The following GABBR2 variants were observed in gnomAD, a reference collection of about 807,000 sequenced individuals.
The protein encoded by GABBR2 is gamma-aminobutyric acid type B receptor subunit 2.
GABBR2 carries 23 observed loss-of-function variants against 105.6 expected under a neutral mutation model. The observed-to-expected ratio is 0.22, with a 90% CI of 0.16 to 0.31. The LOEUF (loss-of-function observed/expected upper bound fraction) is 0.31. Ranked by LOEUF, GABBR2 falls within the 10% of genes least tolerant of loss-of-function variation. GABBR2 has a pLI of 1.00. For synonymous variants in GABBR2, 478 were observed against 499.7 expected, an observed-to-expected ratio of 0.96 and a Z score of 0.58; for missense variants, 734 against 1,245.5, an observed-to-expected ratio of 0.59 and a Z score of 6.18.
At position 98,404,318 on chromosome 9, in the gene GABBR2, G is replaced by A. The variant is rs565121820; in HGVS notation, c.1297+1763C>T. Among the ~76,000 whole-genome samples, 48 of 152,162 alleles carry A rather than the reference G, an allele frequency of 3.2e-4. No homozygotes were observed. In the South Asian group the frequency reaches 8.5e-3, roughly 27 times the overall value. On this transcript the variant is annotated intron_variant, in intron 8 of 18. Transcript: ENST00000259455. The stretch of plus-strand genomic sequence containing the variant: ...GCCTAAAATTACATCTTTTGTGCAC[G>A]CCAGAGAGCTGACACGCGTTTCAAT...
chr9:98,335,439 G>C (rs1034227456), intron 13 of GABBR2, among the ~76,000 whole-genome samples: 11 of 152,088 alleles, frequency 7.2e-5, no homozygotes, highest in African/African-American at 2.7e-4. Flanking sequence ...ACAGTCTTGG[G>C]CCCTTCCTAG....
chr9:98,365,156 G>A (rs77854194), intron 12 of GABBR2, among the ~76,000 whole-genome samples: 3,098 of 152,310 alleles, frequency 0.02, 47 homozygotes, highest in African/African-American at 0.031. Context: ...CTTGTCAAGC[G>A]TGATCTTGAG....
chr9:98,614,525 C>CA (rs900208366), intron 1 of GABBR2, among the ~76,000 whole-genome samples: 1 of 151,000 alleles, frequency 6.6e-6, no homozygotes, highest in Non-Finnish European at 1.5e-5. Context: ...AACGGTGTCT[C>CA]AAAAAAATAA....
chr9:98,491,144 G>A (rs978050575), intron 4 of GABBR2, among the ~76,000 whole-genome samples: 1 of 152,054 alleles, frequency 6.6e-6, no homozygotes, highest in Non-Finnish European at 1.5e-5. Flanking sequence ...AGCAATAATA[G>A]TCCGTGAGCA....
At chr9:98,686,487 C>T (rs1478723019) in intron 1 of GABBR2, among the ~76,000 whole-genome samples, 8 of 152,104 alleles carry the variant, frequency 5.3e-5, no homozygotes, top group Non-Finnish European at 1.0e-4. Flanking sequence ...ACCTTCGCCT[C>T]CCAGTTCAAG....
chr9:98,458,979 C>T (rs995634161), intron 6 of GABBR2, among the ~76,000 whole-genome samples: 2 of 152,180 alleles, frequency 1.3e-5, no homozygotes, highest in Non-Finnish European at 2.9e-5. Flanking sequence ...GCAGAACTTT[C>T]CACTTAGGGA....
At chr9:98,534,209 C>T (rs1040536594) in intron 3 of GABBR2, among the ~76,000 whole-genome samples, 40 of 152,288 alleles carry the variant, frequency 2.6e-4, no homozygotes, top group Non-Finnish European at 1.5e-4. Flanking sequence ...CTTTTGGTCT[C>T]GGGCAGATTA....
intron 3 of GABBR2, among the ~76,000 whole-genome samples, chr9:98,524,671 T>C (rs1229688708): frequency 6.6e-6 from 1 of 152,172 alleles, no homozygotes; most frequent in East Asian, 1.9e-4. Context: ...CACACACTCA[T>C]TCATTCCATC....
chr9:98,418,849 C>G (rs1300167262), intron 7 of GABBR2, among the ~76,000 whole-genome samples: 1 of 152,240 alleles, frequency 6.6e-6, no homozygotes, highest in Non-Finnish European at 1.5e-5. Flanking sequence ...CCATGCATCA[C>G]CAAGCCTCTG....
chr9:98,367,036 T>C (rs887258101), intron 12 of GABBR2, among the ~76,000 whole-genome samples: 15 of 152,116 alleles, frequency 9.9e-5, no homozygotes, highest in Admixed American at 5.2e-4. Flanking sequence ...AGTAACATGC[T>C]GTAAAAATAT....
At chr9:98,493,469 A>C (rs2184024) in intron 4 of GABBR2, among the ~76,000 whole-genome samples, 7,212 of 152,138 alleles carry the variant, frequency 0.047, 282 homozygotes, top group South Asian at 0.14. Context: ...CAGTATCCAC[A>C]ACTGTTATCC....
At chr9:98,682,601 C>G (rs969295914) in intron 1 of GABBR2, among the ~76,000 whole-genome samples, 1 of 151,862 alleles carries the variant, frequency 6.6e-6, no homozygotes, top group Non-Finnish European at 1.5e-5. Flanking sequence ...GTCTTGAACT[C>G]CTGACCTCAG....
chr9:98,696,002 C>T (rs920625882), intron 1 of GABBR2, among the ~76,000 whole-genome samples: 1 of 152,308 alleles, frequency 6.6e-6, no homozygotes, highest in Admixed American at 6.5e-5. Flanking sequence ...CCAAAACAAA[C>T]CAGTTCTTGC....
chr9:98,626,644 T>C (rs1829741210), intron 1 of GABBR2, among the ~76,000 whole-genome samples: 1 of 152,198 alleles, frequency 6.6e-6, no homozygotes, highest in African/African-American at 2.4e-5. Context: ...AGTTAGATTA[T>C]GTAAATAGCC....
chr9:98,377,662 G>A (rs1186322773), intron 11 of GABBR2, among the ~76,000 whole-genome samples: 3 of 152,210 alleles, frequency 2.0e-5, no homozygotes, highest in South Asian at 2.1e-4. Flanking sequence ...CAGAGCCAGG[G>A]GTTGGAGTGG....
chr9:98,317,927 C>T (rs1830746909), intron 13 of GABBR2, among the ~76,000 whole-genome samples: 1 of 151,294 alleles, frequency 6.6e-6, no homozygotes, highest in Non-Finnish European at 1.5e-5. Flanking sequence ...GAAGTTGTTT[C>T]AGATCAGGTA....
intron 8 of GABBR2, among the ~76,000 whole-genome samples, chr9:98,398,326 A>C (rs61080872): frequency 0.091 from 13,744 of 150,600 alleles, 2,146 homozygotes; most frequent in African/African-American, 0.32. Flanking sequence ...TCTAGGACCC[A>C]CCCCCCAAAC....
intron 1 of GABBR2, among the ~76,000 whole-genome samples, chr9:98,705,866 C>G (rs1236825120): frequency 6.6e-6 from 1 of 151,906 alleles, no homozygotes; most frequent in Admixed American, 6.6e-5. Context: ...CACCTGAGGT[C>G]GGGAGTTCAA....
rs1272696856 is a variant in GABBR2 at position 98,289,228 on chromosome 9, A to T, written c.*1356T>A. The T allele has an allele frequency of 6.6e-6, 1 of 152,366 alleles. No homozygotes were observed. Among genetic ancestry groups the T allele is most frequent in the Non-Finnish European group, 1.5e-5 (1 of 68,078 alleles). 9.4% of individuals were successfully genotyped at this position (152,366 alleles called of 1,614,324 possible). On this transcript the variant is annotated 3_prime_UTR_variant, in exon 19 of 19. Transcript: ENST00000259455. ...GTACAAAGCTTTCCTGGACAAGATCAAGTTTCAATCCTCAGAGTGACCTTG... is the reference window on the plus strand; with the variant it reads ...GTACAAAGCTTTCCTGGACAAGATCTAGTTTCAATCCTCAGAGTGACCTTG...
Sources: gnomAD v4.1 joint callset for allele counts (sites outside exome capture counted in the v4.1 genomes callset) on GRCh38, gnomAD v4.1.1 for gene constraint, MANE v1.5 for transcripts, NCBI Gene and HGNC (gene_info 2026-07-23, HGNC 2026-07-21) for gene names.